PRUNE2: variants seen among roughly 807,000 people sequenced by gnomAD.
The protein encoded by PRUNE2 is protein prune homolog 2.
In PRUNE2, 164 loss-of-function variants were observed where a neutral mutation model predicts 252.0. The observed-to-expected ratio is 0.65, with a 90% confidence interval of 0.57 to 0.74. The LOEUF (loss-of-function observed/expected upper bound fraction) is 0.74, where lower values mean the gene tolerates loss of function less well. Among genes scored for constraint, PRUNE2 ranks in the 30% least tolerant of loss-of-function variants. The probability of loss-of-function intolerance (pLI) is 0.00; values close to 1 mark genes in which losing one functional copy is unlikely to be tolerated. For synonymous variants in PRUNE2, 1,292 were observed against 1,350.2 expected (o/e 0.96, Z 0.94); for missense variants, 3,495 against 3,711.0 (o/e 0.94, Z 1.51).
chr9:76,626,287 T>C (rs1350708091), intron 16 of PRUNE2, among the ~76,000 whole-genome samples: 2 of 152,232 alleles, frequency 1.3e-5, no homozygotes, highest in Non-Finnish European at 2.9e-5. Flanking sequence ...AAGTTTTTCT[T>C]TCATTTAAGC....
In PRUNE2 at chr9:76,711,193, C is replaced by A. The variant is rs568473591; in HGVS notation, c.1081G>T (p.Val361Phe). The change falls in exon 8 of 19, where the codon GTC becomes TTC. Residue 361 changes from valine (V) to phenylalanine (F), a missense_variant. Transcript: ENST00000376718. ...EVINRRCPEMVSNSRTSSTEA... is the reference protein window; with the variant it reads ...EVINRRCPEMFSNSRTSSTEA... ...GTTGAGGATGTCCGGCTATTGGAGA[C>A]CATCTCTGGACACCTCCTGTTGATG... 2 of 1,613,944 alleles carry A rather than the reference C, an allele frequency of 1.2e-6. No homozygotes were observed. The highest frequency in any genetic ancestry group is 1.7e-5 in the Admixed American group (1 of 60,020).
chr9:76,859,852 G>A (rs183930064), intron 1 of PRUNE2, among the ~76,000 whole-genome samples: 7 of 152,192 alleles, frequency 4.6e-5, no homozygotes, highest in South Asian at 2.1e-4. Context: ...ACAAGTGCCC[G>A]CCACCATGCC....
At chr9:76,615,139 T>C in intron 18 of PRUNE2, 1 of 985,692 alleles carries the variant, frequency 1.0e-6, no homozygotes, top group Non-Finnish European at 1.2e-6. Flanking sequence ...AGCTTGTTTT[T>C]CAGAAGGTCA....
chr9:76,708,959 C>A lies in PRUNE2; in HGVS notation c.3315G>T (p.Arg1105=), dbSNP rs778343300. Residue 1105 remains arginine, a synonymous_variant, in exon 8 of 19, where the codon CGG becomes CGT. Transcript: ENST00000376718. ...LTLLHSSTNS[R]QTAPDSLDLW... Reference sequence around the variant, plus strand: ...AGTCGAGACTGTCAGGGGCCGTCTGCCGGGAGTTGGTGCTGCTGTGCAAAA... The same window carrying A: ...AGTCGAGACTGTCAGGGGCCGTCTGACGGGAGTTGGTGCTGCTGTGCAAAA... The A allele has an allele frequency of 6.2e-7, 1 of 1,613,826 alleles. No individual in the cohort carries two copies. The highest frequency in any genetic ancestry group is 1.7e-5 in the Admixed American group (1 of 59,990).
chr9:76,854,219 T>C lies in PRUNE2; in HGVS notation c.37-11A>G. On this transcript the variant is annotated splice_polypyrimidine_tract_variant and intron_variant, in intron 1 of 18. Coordinates refer to ENST00000376718, the MANE Select transcript of PRUNE2 (RefSeq NM_015225.3). ...GCGTTTGCTTCGATTCTGAAACAAA[T>C]TCAAAGGAAACATCACAATTTAACA... The C allele has an allele frequency of 2.7e-6, 4 of 1,500,836 alleles. No homozygotes were observed. The highest frequency in any genetic ancestry group is 1.7e-5 in the Admixed American group (1 of 57,550). The allele number at this position is 1,500,836 out of a possible 1,614,324, so 93.0% of individuals were successfully genotyped here.
chr9:76,671,152 TGAAAAAAATTTAGA>T (rs2041378870), intron 9 of PRUNE2, among the ~76,000 whole-genome samples: 2 of 149,516 alleles, frequency 1.3e-5, no homozygotes, highest in Admixed American at 6.7e-5. Context: ...TTGAAAACTT[TGAAAAAAATTTAGA>T]AGAATGTATA....
At chr9:76,695,745 A>G (rs1435217263) in intron 9 of PRUNE2, among the ~76,000 whole-genome samples, 1 of 152,160 alleles carries the variant, frequency 6.6e-6, no homozygotes, top group Non-Finnish European at 1.5e-5. Flanking sequence ...AGGCCTATTT[A>G]TGGGGTGTCT....
At chr9:76,813,885 T>C (rs889926038) in intron 6 of PRUNE2, among the ~76,000 whole-genome samples, 1 of 152,174 alleles carries the variant, frequency 6.6e-6, no homozygotes, top group Non-Finnish European at 1.5e-5. Context: ...GGCACAATCT[T>C]GGCTCACAGC....
At chr9:76,895,446 C>T (rs2062760127) in intron 1 of PRUNE2, among the ~76,000 whole-genome samples, 1 of 152,214 alleles carries the variant, frequency 6.6e-6, no homozygotes, top group African/African-American at 2.4e-5. Context: ...TATCTGGCTA[C>T]ACTCAAGAAC....
intron 12 of PRUNE2, chr9:76,642,007 A>AG (rs1564422066): frequency 7.2e-7 from 1 of 1,380,142 alleles, no homozygotes; most frequent in Admixed American, 2.6e-5. Context: ...GAAGTAAAAA[A>AG]AAAAAAAAAA....
At chr9:76,629,671 C>T (rs1291489386) in intron 15 of PRUNE2, among the ~76,000 whole-genome samples, 2 of 151,502 alleles carry the variant, frequency 1.3e-5, no homozygotes, top group African/African-American at 2.4e-5. Flanking sequence ...TTGTTATTAG[C>T]TCTGGTCACC....
intron 6 of PRUNE2, among the ~76,000 whole-genome samples, chr9:76,769,561 G>T (rs1055789352): frequency 1.3e-5 from 2 of 152,190 alleles, no homozygotes; most frequent in South Asian, 4.1e-4. Context: ...AAGTAGCTGG[G>T]ATTACAGGCA....
chr9:76,829,345 G>C (rs1025497492), intron 4 of PRUNE2, among the ~76,000 whole-genome samples: 1 of 152,142 alleles, frequency 6.6e-6, no homozygotes, highest in Non-Finnish European at 1.5e-5. Context: ...AAGTTTAACA[G>C]CCTATGGAGA....
chr9:76,853,988 A>G (rs2060105065), intron 2 of PRUNE2, 116 bp downstream of exon 2: 1 of 535,720 alleles, frequency 1.9e-6, no homozygotes, highest in Non-Finnish European at 3.3e-6. Context: ...CTCTGCAACA[A>G]TATATCAGAA....
At chr9:76,867,155 C>CT (rs1367140711) in intron 1 of PRUNE2, among the ~76,000 whole-genome samples, 23 of 152,294 alleles carry the variant, frequency 1.5e-4, no homozygotes, top group African/African-American at 5.3e-4. Context: ...ACGCACCTTT[C>CT]TCCTCCCCCA....
intron 1 of PRUNE2, among the ~76,000 whole-genome samples, chr9:76,898,280 C>T (rs909999813): frequency 2.6e-5 from 4 of 152,176 alleles, no homozygotes; most frequent in Non-Finnish European, 5.9e-5. Context: ...GGCAGGCAGC[C>T]TCTGCCAGGG....
intron 9 of PRUNE2, among the ~76,000 whole-genome samples, chr9:76,677,168 C>T (rs765941964): frequency 6.6e-6 from 1 of 152,270 alleles, no homozygotes; most frequent in East Asian, 1.9e-4. Flanking sequence ...TTTTCCAATT[C>T]AATAGTTTCT....
chr9:76,774,462 T>TATTTATTTATTTATTTA (rs1554761662), intron 6 of PRUNE2, among the ~76,000 whole-genome samples: 1 of 104,252 alleles, frequency 9.6e-6, no homozygotes, highest in Admixed American at 9.6e-5. Flanking sequence ...TTTTTTTTTT[T>TATTTATTTATTTATTTA]TTTTTTTTTT....
In PRUNE2 at chr9:76,705,597, G is replaced by A. The variant is rs752799491; in HGVS notation, c.6677C>T (p.Pro2226Leu). The change falls in exon 8 of 19, where the codon CCA (proline) becomes CTA (leucine). Residue 2226 changes from proline (P) to leucine (L), a missense_variant. By Grantham distance (98) the Pro-to-Leu change is moderately conservative. Coordinates refer to ENST00000376718, the MANE Select transcript of PRUNE2 (RefSeq NM_015225.3). ...PILEPVDRRIPRIENVATSIF... is the reference protein window; with the variant it reads ...PILEPVDRRILRIENVATSIF... Reference sequence around the variant, plus strand: ...GCTAGTTGCCACATTTTCAATCCTTGGGATTCTTCTGTCAACTGGTTCCAA... The same window carrying A: ...GCTAGTTGCCACATTTTCAATCCTTAGGATTCTTCTGTCAACTGGTTCCAA... 4.3e-6 allele frequency: 7 copies of A among 1,613,986 alleles called. No individual in the cohort carries two copies. In the Admixed American group the frequency reaches 1.2e-4, roughly 27 times the overall value.
Sources: allele counts gnomAD v4.1 joint callset (sites outside exome capture counted in the v4.1 genomes callset), GRCh38; gene constraint gnomAD v4.1.1; transcripts MANE v1.5; gene names NCBI Gene and HGNC (gene_info 2026-07-23, HGNC 2026-07-21).